Variants in MPP2 observed in about 807,000 individuals in gnomAD.
MPP2 encodes MAGUK p55 scaffold protein 2.
Under a neutral mutation model 58.5 loss-of-function variants are expected in MPP2, and 42 were observed. The observed-to-expected ratio is 0.72, with a 90% CI of 0.56 to 0.93. The LOEUF (loss-of-function observed/expected upper bound fraction) is 0.93. MPP2 is among the 40% of genes least tolerant of loss of function. The pLI, the probability that MPP2 is intolerant of heterozygous loss-of-function variation, is 0.00. For synonymous variants in MPP2, 300 were observed against 307.8 expected (o/e 0.97, Z 0.26); for missense variants, 632 against 760.4 (o/e 0.83, Z 1.99).
intron 3 of MPP2, among the ~76,000 whole-genome samples, chr17:43,893,257 G>A (rs1282170134): frequency 6.6e-6 from 1 of 152,210 alleles, no homozygotes; most frequent in Non-Finnish European, 1.5e-5. Flanking sequence ...CAGAGGTGAT[G>A]TGGGCTCATA....
Position 43,900,748 on chromosome 17 carries a change from G to C in MPP2, c.32-2368C>G, listed in dbSNP as rs958314962. 4 of 980,770 alleles carry C rather than the reference G, an allele frequency of 4.1e-6. No homozygotes were observed. The African/African-American group carries it at 6.5e-5, about 16-fold the overall frequency. 60.8% of individuals were successfully genotyped at this position (980,770 alleles called of 1,614,324 possible). A position where few individuals can be genotyped will look rare whatever the true frequency, so the allele number is the denominator to read the frequency against. Reference sequence around the variant, plus strand: ...CCTGACTGGCGCTGCGCGGTGCAGAGCAGGCGGTAACCCGGGTGGGAGAAG... The same window carrying C: ...CCTGACTGGCGCTGCGCGGTGCAGACCAGGCGGTAACCCGGGTGGGAGAAG... On this transcript the variant is annotated intron_variant, in intron 2 of 12. Coordinates refer to ENST00000269095, the MANE Select transcript of MPP2 (RefSeq NM_005374.5).
chr17:43,909,508 G>A (rs904513294), upstream of MPP2: 20 of 1,269,996 alleles, frequency 1.6e-5, no homozygotes, highest in Non-Finnish European at 2.1e-5. Flanking sequence ...ATCTCTACAA[G>A]ATATTAATTA....
In MPP2 at chr17:43,879,349, C is replaced by T; in HGVS notation, c.1408G>A (p.Ala470Thr). 1 of 1,614,170 alleles carries T rather than the reference C, an allele frequency of 6.2e-7. No individual in the cohort carries two copies. Among genetic ancestry groups the T allele is most frequent in the Non-Finnish European group, 8.5e-7 (1 of 1,180,032 alleles). ...EFVPYVVFIE[A>T]PDFETLRAMN... ...GCCCGCAGGGTCTCGAAGTCTGGGG[C>T]CTCGATGAACACCACGTAAGGGACA... The change falls in exon 12 of 13, where the codon GCC becomes ACC. Residue 470 changes from alanine to threonine, a missense_variant. Transcript: ENST00000269095. This position sits in a 1 kb window ranked among gnomAD's most constrained non-coding sequence, Gnocchi z 4.1.
upstream of MPP2, among the ~76,000 whole-genome samples, chr17:43,908,272 AAG>A (rs1328102984): frequency 6.6e-6 from 1 of 152,218 alleles, no homozygotes; most frequent in Non-Finnish European, 1.5e-5. Flanking sequence ...CTGCTAGTAA[AAG>A]ATGCTGGGCC....
intron 3 of MPP2, among the ~76,000 whole-genome samples, chr17:43,891,548 C>CA (rs1209241959): frequency 6.6e-6 from 1 of 151,744 alleles, no homozygotes; most frequent in African/African-American, 2.4e-5. Context: ...CCATAACCTC[C>CA]ACCTAGCCCC....
chr17:43,884,214 T>G (rs2047270031), intron 3 of MPP2: 1 of 675,224 alleles, frequency 1.5e-6, no homozygotes, highest in Admixed American at 2.2e-5. Flanking sequence ...CACATTCAAA[T>G]GTTCACTCTT....
intron 2 of MPP2, 61 bp downstream of exon 2, chr17:43,904,369 A>T: frequency 6.4e-7 from 1 of 1,559,480 alleles, no homozygotes; most frequent in Non-Finnish European, 8.8e-7. Context: ...CCCACCCCTA[A>T]GTCCTCGCCT....
intron 1 of MPP2, chr17:43,906,138 G>C (rs1257972605): frequency 2.0e-6 from 2 of 984,574 alleles, no homozygotes; most frequent in Non-Finnish European, 2.4e-6. Context: ...AGGGACTCCA[G>C]AAGTCCTCCT....
chr17:43,882,217 G>T, intron 6 of MPP2, 67 bp downstream of exon 6: 1 of 1,438,246 alleles, frequency 7.0e-7, no homozygotes, highest in Non-Finnish European at 9.6e-7. Flanking sequence ...GCCTCCGTGA[G>T]ACCTGCAACC....
chr17:43,900,057 A>T (rs899870471), intron 2 of MPP2, among the ~76,000 whole-genome samples: 27 of 152,072 alleles, frequency 1.8e-4, no homozygotes, highest in African/African-American at 5.1e-4. Context: ...AGTGGGGAGG[A>T]GGGGGCACTG....
At chr17:43,881,066 G>C in intron 9 of MPP2, 24 bp downstream of exon 9, 1 of 1,612,826 alleles carries the variant, frequency 6.2e-7, no homozygotes, top group East Asian at 2.2e-5. Flanking sequence ...AGGAGGGTAA[G>C]GGAGGGGGCG....
chr17:43,876,136 C>T lies in MPP2; in HGVS notation c.*1671G>A, dbSNP rs142076578. ...AGTCTATGCAAATGCAAATGAGATT[C>T]CTAGTATAAGAAATATATTCTAACA... On this transcript the variant is annotated 3_prime_UTR_variant, in exon 13 of 13. Coordinates refer to ENST00000269095, the MANE Select transcript of MPP2 (RefSeq NM_005374.5). 46 of 152,730 alleles carry T rather than the reference C, an allele frequency of 3.0e-4. No homozygotes were observed. Among genetic ancestry groups the T allele is most frequent in the African/African-American group, 1.1e-3 (46 of 41,558 alleles). The allele number at this position is 152,730 out of a possible 1,614,324, so 9.5% of individuals were successfully genotyped here.
intron 4 of MPP2, 45 bp from the exon 5 acceptor site, chr17:43,883,097 G>A: frequency 6.3e-7 from 1 of 1,576,816 alleles, no homozygotes; most frequent in Non-Finnish European, 8.6e-7. Context: ...CAGTGTCCCG[G>A]GTCTCTTCCC....
At chr17:43,892,260 G>A (rs1272923665) in intron 3 of MPP2, among the ~76,000 whole-genome samples, 1 of 152,224 alleles carries the variant, frequency 6.6e-6, no homozygotes. Flanking sequence ...CAGCGTAAGG[G>A]AGGGAGGCCA....
rs748454713 is a variant in MPP2 at position 43,877,815 on chromosome 17, C to T, written c.1651G>A (p.Val551Met). ...AGACCAGGTGAACAGGCTCAGTACA[C>T]CCAGCTGACAGGCACCCACTGGGGC... ...TEPQWVPVSWVY is the reference protein window; with the variant it reads ...TEPQWVPVSWMY Residue 551 changes from valine (V) to methionine (M), a missense_variant, in exon 13 of 13, where the codon GTG (valine) becomes ATG (methionine). Val to Met is a conservative substitution (Grantham distance 21, BLOSUM62 1). Coordinates refer to ENST00000269095, the MANE Select transcript of MPP2 (RefSeq NM_005374.5). 5 of 1,613,560 alleles carry T rather than the reference C, an allele frequency of 3.1e-6. No homozygotes were observed. The highest frequency in any genetic ancestry group is 4.2e-6 in the Non-Finnish European group (5 of 1,179,620).
intron 2 of MPP2, among the ~76,000 whole-genome samples, chr17:43,900,254 G>A (rs2048031129): frequency 6.6e-6 from 1 of 152,212 alleles, no homozygotes; most frequent in Non-Finnish European, 1.5e-5. Context: ...GCCAGGGCAG[G>A]GACCCTTCCC....
chr17:43,909,695 AT>A, upstream of MPP2: 13 of 1,011,294 alleles, frequency 1.3e-5, no homozygotes, highest in Non-Finnish European at 1.2e-5. Context: ...TATCTCTCTA[AT>A]AAAGGCCTTG....
At chr17:43,903,340 A>C (rs1281055776) in intron 2 of MPP2, among the ~76,000 whole-genome samples, 2 of 151,992 alleles carry the variant, frequency 1.3e-5, no homozygotes, top group African/African-American at 4.8e-5. Flanking sequence ...ATCTCATCTT[A>C]GGGAAATCTC....
chr17:43,881,193 G>A (rs1372910084), intron 8 of MPP2, 35 bp from the exon 9 acceptor site: 1 of 1,613,706 alleles, frequency 6.2e-7, no homozygotes, highest in Non-Finnish European at 8.5e-7. Context: ...GAGGCAGACA[G>A]GGCCCTGTTG....
Sources: gnomAD v4.1 joint callset for allele counts (sites outside exome capture counted in the v4.1 genomes callset) on GRCh38, gnomAD v4.1.1 for gene constraint, Gnocchi (gnomAD v3.1) non-coding constraint, MANE v1.5 for transcripts, NCBI Gene and HGNC (gene_info 2026-07-23, HGNC 2026-07-21) for gene names.